Variants in VPS33A observed in about 807,000 individuals in gnomAD.
The protein encoded by VPS33A is vacuolar protein sorting-associated protein 33A.
VPS33A carries 32 observed loss-of-function variants against 71.8 expected under a neutral mutation model. That is an observed-to-expected ratio of 0.45 (90% CI 0.34 to 0.60). The LOEUF (loss-of-function observed/expected upper bound fraction) is 0.60. Among genes scored for constraint, VPS33A ranks in the 20% least tolerant of loss-of-function variants. VPS33A has a pLI of 0.02. For synonymous variants in VPS33A, 311 were observed against 292.7 expected, an observed-to-expected ratio of 1.06 and a Z score of -0.64; for missense variants, 625 against 748.5, an observed-to-expected ratio of 0.84 and a Z score of 1.92.
At chr12:122,242,360 A>C (rs1954725882) in intron 8 of VPS33A, 22 bp downstream of exon 8, 1 of 1,603,888 alleles carries the variant, frequency 6.2e-7, no homozygotes, top group Admixed American at 1.7e-5. Flanking sequence ...AGACTGAAAC[A>C]ATCATTACAA....
Position 122,232,131 on chromosome 12 carries a change from C to T in VPS33A, c.*115G>A. 1 of 1,002,842 alleles carries T rather than the reference C, an allele frequency of 1.0e-6. No individual in the cohort carries two copies. Among genetic ancestry groups the T allele is most frequent in the Non-Finnish European group, 1.5e-6 (1 of 689,014 alleles). The allele number at this position is 1,002,842 out of a possible 1,614,324, so 62.1% of individuals were successfully genotyped here. On this transcript the variant is annotated 3_prime_UTR_variant, in exon 13 of 13. Transcript: ENST00000267199. Reference sequence around the variant, plus strand: ...AGTAGTATAATTTAAGAAGCTGACCCCAGAATATATTCTGTATTCCCATGT... The same window carrying T: ...AGTAGTATAATTTAAGAAGCTGACCTCAGAATATATTCTGTATTCCCATGT...
rs746611156 is a variant in VPS33A at position 122,266,433 on chromosome 12, C to G, written c.-25G>C. ...TCTTGCTCCACCACCCCCTGCCCCACAACGCCAACCGAGTCCGCCGGTTCC... is the reference window on the plus strand; with the variant it reads ...TCTTGCTCCACCACCCCCTGCCCCAGAACGCCAACCGAGTCCGCCGGTTCC... On this transcript the variant is annotated 5_prime_UTR_variant, in exon 1 of 13. Transcript: ENST00000267199. 7 of 1,599,330 alleles carry G rather than the reference C, an allele frequency of 4.4e-6. No homozygotes were observed. The highest frequency in any genetic ancestry group is 6.0e-6 in the Non-Finnish European group (7 of 1,169,462).
At chr12:122,242,270 T>C in intron 8 of VPS33A, 112 bp downstream of exon 8, 1 of 1,324,766 alleles carries the variant, frequency 7.5e-7, no homozygotes, top group Non-Finnish European at 1.1e-6. Context: ...CACGTGGTAT[T>C]AAGACAGAGC....
intron 5 of VPS33A, 48 bp downstream of exon 5, chr12:122,250,935 G>T: frequency 7.3e-7 from 1 of 1,363,288 alleles, no homozygotes; most frequent in Non-Finnish European, 1.0e-6. Context: ...CCTCCCTTTT[G>T]GGGTGTGAAG....
chr12:122,259,389 T>G (rs1333328961), intron 4 of VPS33A, among the ~76,000 whole-genome samples: 3 of 152,022 alleles, frequency 2.0e-5, no homozygotes, highest in African/African-American at 7.3e-5. Context: ...CTGGCTAATT[T>G]TGTATTTTTA....
chr12:122,263,793 A>G, intron 2 of VPS33A, 94 bp from the exon 3 acceptor site: 1 of 1,378,868 alleles, frequency 7.3e-7, no homozygotes, highest in Non-Finnish European at 9.7e-7. Flanking sequence ...AATCAAGTGC[A>G]CATTAATATT....
At chr12:122,240,435 C>T (rs1192630029) in intron 8 of VPS33A, among the ~76,000 whole-genome samples, 1 of 152,192 alleles carries the variant, frequency 6.6e-6, no homozygotes, top group Non-Finnish European at 1.5e-5. Flanking sequence ...GGCCTCTGCA[C>T]TCCTAAGTTA....
At position 122,235,939 on chromosome 12, in the gene VPS33A, T is replaced by C. The variant is rs1486339939; in HGVS notation, c.1303-16A>G. 1 of 1,589,706 alleles carries C rather than the reference T, an allele frequency of 6.3e-7. No individual in the cohort carries two copies. Among genetic ancestry groups the C allele is most frequent in the Admixed American group, 1.8e-5 (1 of 54,164 alleles). ...AGCCGTATGTCTGCAAGGGAAGTCA[T>C]TTGGCCTTGATGTCAGATCAGGAAA... On this transcript the variant is annotated splice_polypyrimidine_tract_variant and intron_variant, in intron 10 of 12. Transcript: ENST00000267199.
intron 9 of VPS33A, 94 bp from the exon 10 acceptor site, chr12:122,238,818 T>G: frequency 1.8e-5 from 21 of 1,172,204 alleles, no homozygotes; most frequent in East Asian, 2.6e-5. Flanking sequence ...ATACATGGTT[T>G]AGGAACTTAA....
At chr12:122,240,420 C>T (rs546868970) in intron 8 of VPS33A, among the ~76,000 whole-genome samples, 5 of 152,236 alleles carry the variant, frequency 3.3e-5, no homozygotes, top group South Asian at 4.1e-4. Flanking sequence ...ACATGGAAAA[C>T]GCTAGGCCTC....
At chr12:122,241,901 GA>G (rs1277497996) in intron 8 of VPS33A, among the ~76,000 whole-genome samples, 1 of 146,296 alleles carries the variant, frequency 6.8e-6, no homozygotes, top group African/African-American at 2.5e-5. Flanking sequence ...CCAACAAATG[GA>G]ACATTCTTTT....
intron 4 of VPS33A, among the ~76,000 whole-genome samples, chr12:122,258,986 CAAAAAAAA>C (rs749562489): frequency 1.9e-5 from 1 of 53,214 alleles, no homozygotes; most frequent in African/African-American, 5.2e-5. Context: ...CAATCCATCT[CAAAAAAAA>C]AAAAAAAAAA....
intron 7 of VPS33A, among the ~76,000 whole-genome samples, chr12:122,243,524 C>G (rs1259703790): frequency 2.0e-5 from 3 of 152,256 alleles, no homozygotes; most frequent in African/African-American, 4.8e-5. Flanking sequence ...CAGGCGTGAG[C>G]CACTGTGCCT....
chr12:122,244,518 G>T, intron 7 of VPS33A, 51 bp downstream of exon 7: 2 of 1,492,980 alleles, frequency 1.3e-6, no homozygotes, highest in Non-Finnish European at 9.1e-7. Context: ...TCAGGGGTGG[G>T]CATCTACCTG....
chr12:122,236,524 C>A (rs535894873), intron 10 of VPS33A, among the ~76,000 whole-genome samples: 1 of 152,246 alleles, frequency 6.6e-6, no homozygotes, highest in African/African-American at 2.4e-5. Context: ...CCTGTAATCC[C>A]AGCTACTCGG....
chr12:122,265,716 C>T (rs1028750661), intron 1 of VPS33A: 9 of 454,386 alleles, frequency 2.0e-5, no homozygotes, highest in African/African-American at 6.0e-5. Context: ...CTTAGGGTGA[C>T]TGATAAACCC....
chr12:122,245,957 C>T (rs1052937855), intron 6 of VPS33A, among the ~76,000 whole-genome samples: 1 of 152,186 alleles, frequency 6.6e-6, no homozygotes, highest in African/African-American at 2.4e-5. Flanking sequence ...CTTCCAAATT[C>T]CTTAGCATGG....
rs1954569478 is a variant in VPS33A, at chr12:122,232,071, A to C, written c.*175T>G. 4.9e-6 allele frequency: 3 copies of C among 608,080 alleles called. No individual in the cohort carries two copies. Among genetic ancestry groups the C allele is most frequent in the Non-Finnish European group, 7.9e-6 (3 of 380,154 alleles). 37.7% of individuals were successfully genotyped at this position (608,080 alleles called of 1,614,324 possible). ...GACTCCGTCTCAAAGGAAAAAAAAA[A>C]AGGGAATACAAAAGAGACGGAGAAA... On this transcript the variant is annotated 3_prime_UTR_variant, in exon 13 of 13. Transcript: ENST00000267199.
chr12:122,259,212 T>C lies in VPS33A; in HGVS notation c.483+2049A>G, dbSNP rs567390464. Reference sequence around the variant, plus strand: ...GTGTATGTATGTATGTATGTATGTATGTATGTATGTATGTATGTATTTTTG... The same window carrying C: ...GTGTATGTATGTATGTATGTATGTACGTATGTATGTATGTATGTATTTTTG... On this transcript the variant is annotated intron_variant, in intron 4 of 12. Coordinates refer to ENST00000267199, the MANE Select transcript of VPS33A (RefSeq NM_022916.6). 2.8e-4 allele frequency among the ~76,000 whole-genome samples: 43 copies of C among 151,356 alleles called. 1 individual carries two copies. Among genetic ancestry groups the C allele is most frequent in the African/African-American group, 1.0e-3 (43 of 41,190 alleles).
Sources: gnomAD v4.1 joint callset for allele counts (sites outside exome capture counted in the v4.1 genomes callset) on GRCh38, gnomAD v4.1.1 for gene constraint, MANE v1.5 for transcripts, NCBI Gene and HGNC (gene_info 2026-07-23, HGNC 2026-07-21) for gene names.